TAF6L: variants seen among roughly 807,000 people sequenced by gnomAD.
TAF6L encodes the protein TAF6-like RNA polymerase II p300/CBP-associated factor-associated factor 65 kDa subunit 6L.
TAF6L carries 34 observed loss-of-function variants against 57.3 expected under a neutral mutation model. The observed-to-expected ratio is 0.59, with a 90% CI of 0.45 to 0.79. TAF6L has a LOEUF of 0.79. TAF6L is among the 30% of genes least tolerant of loss of function. TAF6L has a pLI of 0.00. For missense variants in TAF6L, 782 were observed against 853.2 expected (o/e 0.92, Z 1.04); for synonymous variants, 417 against 376.3 (o/e 1.11, Z -1.25).
intron 3 of TAF6L, among the ~76,000 whole-genome samples, chr11:62,777,709 AAGG>A (rs1316543931): frequency 6.6e-6 from 1 of 152,172 alleles, no homozygotes; most frequent in Non-Finnish European, 1.5e-5. Flanking sequence ...GAGTGTGAAT[AAGG>A]AGGACCAGTG....
chr11:62,786,955 C>T lies in TAF6L; in HGVS notation c.1528C>T (p.Pro510Ser). The T allele has an allele frequency of 6.9e-7, 1 of 1,447,672 alleles. No individual in the cohort carries two copies. The highest frequency in any genetic ancestry group is 2.4e-4 in the Middle Eastern group (1 of 4,098). 89.7% of individuals were successfully genotyped at this position (1,447,672 alleles called of 1,614,324 possible). Residue 510 changes from proline (P) to serine (S), a missense_variant, in exon 11 of 11, where the codon CCC (proline) becomes TCC (serine). Around this residue, in one of 3 missense-constraint regions of TAF6L, gnomAD observed 483 missense variants for 445.1 expected, o/e 1.09. Coordinates refer to ENST00000294168, the MANE Select transcript of TAF6L (RefSeq NM_006473.4). ...ESPRGSGGGG[P>S]ASASGPAASE... ...CCCCCGGGGCAGCGGCGGAGGCGGC[C>T]CCGCGTCGGCCTCTGGGCCCGCCGC...
chr11:62,778,665 A>C, intron 5 of TAF6L: 1 of 614,282 alleles, frequency 1.6e-6, no homozygotes, highest in Non-Finnish European at 2.9e-6. Context: ...GGGTGGGTGG[A>C]AGACAGGACA....
intron 1 of TAF6L, 117 bp from the exon 2 acceptor site, chr11:62,775,654 C>T: frequency 1.7e-6 from 2 of 1,167,460 alleles, no homozygotes; most frequent in Non-Finnish European, 2.4e-6. Context: ...ACTCAGAGCT[C>T]CTTGTTTAGA....
chr11:62,784,872 G>A (rs187691278), intron 9 of TAF6L, among the ~76,000 whole-genome samples: 16 of 152,340 alleles, frequency 1.1e-4, no homozygotes, highest in African/African-American at 3.4e-4. Flanking sequence ...ATATTCAGGA[G>A]TGAAATTAAA....
intron 2 of TAF6L, among the ~76,000 whole-genome samples, 176 bp from the exon 3 acceptor site, chr11:62,776,208 G>A (rs1207366792): frequency 1.3e-5 from 2 of 152,206 alleles, no homozygotes; most frequent in Non-Finnish European, 2.9e-5. Context: ...GGTGTTGACA[G>A]AAGATGTGAC....
intron 1 of TAF6L, among the ~76,000 whole-genome samples, chr11:62,772,910 C>G (rs1590931600): frequency 6.6e-6 from 1 of 150,540 alleles, no homozygotes; most frequent in East Asian, 2.0e-4. Context: ...CTGAGTTTAG[C>G]TCTGTCATCC....
In TAF6L at chr11:62,787,247, C is replaced by T. The variant is rs1476948185; in HGVS notation, c.1820C>T (p.Pro607Leu). The change falls in exon 11 of 11, where the codon CCC becomes CTC. Residue 607 changes from proline to leucine, a missense_variant. Physicochemically the swap from Pro to Leu is moderately conservative, Grantham distance 98. Transcript: ENST00000294168. ...CCCATGATCGGCCGTACCAGCCGCC[C>T]CGCCCGCCGGTGGGCGCTCTCGGAC... ...KLPMIGRTSRPARRWALSDYS... is the reference protein window; with the variant it reads ...KLPMIGRTSRLARRWALSDYS... 6.4e-7 allele frequency: 1 copy of T among 1,568,544 alleles called. No homozygotes were observed. Among genetic ancestry groups the T allele is most frequent in the Non-Finnish European group, 8.6e-7 (1 of 1,165,270 alleles).
rs1338781049 is a variant in TAF6L at position 62,776,482 on chromosome 11, G to C, written c.234+12G>C. On this transcript the variant is annotated intron_variant, in intron 3 of 10. Transcript: ENST00000294168. The stretch of plus-strand genomic sequence containing the variant: ...GGAGCAGCGTGGAGGTGAGTGGGGT[G>C]CAGGCTACAGAGGGCTCAGGTGGCA... 1 of 1,612,704 alleles carries C rather than the reference G, an allele frequency of 6.2e-7. No homozygotes were observed. Among genetic ancestry groups the C allele is most frequent in the African/African-American group, 1.3e-5 (1 of 75,004 alleles).
In TAF6L at chr11:62,776,449, C is replaced by T. The variant is rs779605592; in HGVS notation, c.213C>T (p.Ala71=). 2.5e-6 allele frequency: 4 copies of T among 1,613,708 alleles called. No homozygotes were observed. The South Asian group carries it at 3.3e-5, about 13-fold the overall frequency. ...RKLTVEDFNR[A]LRWSSVEAVC... Reference sequence around the variant, plus strand: ...TGACGGTTGAGGACTTCAACAGGGCCCTCAGATGGAGCAGCGTGGAGGTGA... The same window carrying T: ...TGACGGTTGAGGACTTCAACAGGGCTCTCAGATGGAGCAGCGTGGAGGTGA... The change falls in exon 3 of 11, where the codon GCC becomes GCT. Residue 71 remains alanine (A), a synonymous_variant. Coordinates refer to ENST00000294168, the MANE Select transcript of TAF6L (RefSeq NM_006473.4).
Position 62,786,627 on chromosome 11 carries a change from T to C in TAF6L, c.1200T>C (p.Leu400=), listed in dbSNP as rs773516207. The C allele has an allele frequency of 1.7e-5, 27 of 1,601,522 alleles. No individual in the cohort carries two copies. Among genetic ancestry groups the C allele is most frequent in the Non-Finnish European group, 2.2e-5 (26 of 1,173,800 alleles). ...TGGACGACCTGCCATGGGACAGCCT[T>C]CTCTTTCAAGAGTCGTCCTCCGGGG... The part of the protein sequence containing the change: ...RRLDDLPWDS[L]LFQESSSGGG... The change falls in exon 11 of 11, where the codon CTT becomes CTC. Residue 400 remains leucine, a synonymous_variant. Coordinates refer to ENST00000294168, the MANE Select transcript of TAF6L (RefSeq NM_006473.4).
intron 9 of TAF6L, among the ~76,000 whole-genome samples, chr11:62,785,195 CTTTT>C (rs770648187): frequency 7.2e-6 from 1 of 138,498 alleles, no homozygotes; most frequent in African/African-American, 2.6e-5. Context: ...ATTTTCTTTC[CTTTT>C]TTTTTTTTTC....
chr11:62,777,872 C>G, intron 3 of TAF6L, 106 bp from the exon 4 acceptor site: 2 of 1,353,074 alleles, frequency 1.5e-6, no homozygotes, highest in Non-Finnish European at 2.0e-6. Flanking sequence ...TTCTGGACTT[C>G]CTTCAAACGT....
At chr11:62,771,646 C>T (rs992683592) in intron 1 of TAF6L, 156 bp downstream of exon 1, 1 of 177,456 alleles carries the variant, frequency 5.6e-6, no homozygotes, top group South Asian at 9.8e-5. Context: ...CGCACCCCCT[C>T]CCCGATCTGG....
In TAF6L at chr11:62,787,178, C is replaced by T. The variant is rs976524250; in HGVS notation, c.1751C>T (p.Ala584Val). 3.8e-5 allele frequency: 60 copies of T among 1,586,528 alleles called. No homozygotes were observed. The highest frequency in any genetic ancestry group is 5.0e-5 in the Non-Finnish European group (59 of 1,175,390). ...RGRLFQTAFP[A>V]PYGPSPASRY... is the part of the protein sequence containing the mutation. ...CGCCTTTTCCAGACTGCCTTCCCCG[C>T]GCCGTACGGGCCTAGCCCGGCCTCG... Residue 584 changes from alanine (A) to valine (V), a missense_variant, in exon 11 of 11, where the codon GCG becomes GTG. By Grantham distance (64) the Ala-to-Val change is moderately conservative. This residue lies in a region of TAF6L where 483 missense variants were observed against 445.1 expected (regional missense o/e 1.09). Coordinates refer to ENST00000294168, the MANE Select transcript of TAF6L (RefSeq NM_006473.4).
At chr11:62,775,697 G>T in intron 1 of TAF6L, 74 bp from the exon 2 acceptor site, 1 of 1,474,796 alleles carries the variant, frequency 6.8e-7, no homozygotes. Context: ...GGCTGGTGTG[G>T]AGGGTGTTGG....
At position 62,786,398 on chromosome 11, in the gene TAF6L, G is replaced by A. The variant is rs1168763625; in HGVS notation, c.1089+10G>A. ...CTATGGAGCCATTCTGGTGAGTACCGTCCCCTTCCAGCCTCCCTTCCCTGC... is the reference window on the plus strand; with the variant it reads ...CTATGGAGCCATTCTGGTGAGTACCATCCCCTTCCAGCCTCCCTTCCCTGC... On this transcript the variant is annotated intron_variant, in intron 10 of 10. Coordinates refer to ENST00000294168, the MANE Select transcript of TAF6L (RefSeq NM_006473.4). 6 of 1,610,346 alleles carry A rather than the reference G, an allele frequency of 3.7e-6. No individual in the cohort carries two copies. The highest frequency in any genetic ancestry group is 5.1e-6 in the Non-Finnish European group (6 of 1,176,914).
At chr11:62,779,586 A>G (rs1590934893) in intron 6 of TAF6L, among the ~76,000 whole-genome samples, 2 of 152,162 alleles carry the variant, frequency 1.3e-5, no homozygotes, top group East Asian at 3.9e-4. Flanking sequence ...TTGGCCTCCC[A>G]AAGTGTTGGG....
chr11:62,786,942 C>G lies in TAF6L; in HGVS notation c.1515C>G (p.Ser505Arg), dbSNP rs1217821301. 2.7e-6 allele frequency: 4 copies of G among 1,458,284 alleles called. No homozygotes were observed. The South Asian group carries it at 5.4e-5, about 20-fold the overall frequency. 90.3% of individuals were successfully genotyped at this position (1,458,284 alleles called of 1,614,324 possible). Residue 505 changes from serine (S) to arginine (R), a missense_variant, in exon 11 of 11, where the codon AGC becomes AGG. Around this residue, in one of 3 missense-constraint regions of TAF6L, gnomAD observed 483 missense variants for 445.1 expected, o/e 1.09. Transcript: ENST00000294168. The stretch of plus-strand genomic sequence containing the variant: ...ACGGCGACGAGAGCCCCCGGGGCAG[C>G]GGCGGAGGCGGCCCCGCGTCGGCCT... Reference protein sequence around the residue: ...SPHGDESPRGSGGGGPASASG... With the variant: ...SPHGDESPRGRGGGGPASASG...
In TAF6L at chr11:62,775,937, T is replaced by A. The variant is rs765112098; in HGVS notation, c.147+7T>A. 1 of 1,598,318 alleles carries A rather than the reference T, an allele frequency of 6.3e-7. No homozygotes were observed. Among genetic ancestry groups the A allele is most frequent in the Non-Finnish European group, 8.5e-7 (1 of 1,171,782 alleles). ...TCTGAGAGAGGCCACGCAGGTACAC[T>A]CCCCTCACCCCCTGATACCTCCAAC... On this transcript the variant is annotated splice_region_variant and intron_variant, in intron 2 of 10. Coordinates refer to ENST00000294168, the MANE Select transcript of TAF6L (RefSeq NM_006473.4).
Sources: gnomAD v4.1 joint callset for allele counts (sites outside exome capture counted in the v4.1 genomes callset) on GRCh38, gnomAD v4.1.1 for gene constraint, gnomAD v4.1.1 regional missense constraint, MANE v1.5 for transcripts, NCBI Gene and HGNC (gene_info 2026-07-23, HGNC 2026-07-21) for gene names.